The following PRORP variants were observed in gnomAD, a reference collection of about 807,000 sequenced individuals.
The protein encoded by PRORP is mitochondrial ribonuclease P catalytic subunit.
In PRORP, 51 loss-of-function variants were observed where a neutral mutation model predicts 59.4. That is an observed-to-expected ratio of 0.86 (90% CI 0.69 to 1.08). The LOEUF (loss-of-function observed/expected upper bound fraction) is 1.08, where lower values mean the gene tolerates loss of function less well. Ranked by LOEUF, PRORP falls within the 50% of genes least tolerant of loss-of-function variation. PRORP has a pLI of 0.00. For missense variants in PRORP, 646 were observed against 690.3 expected, an observed-to-expected ratio of 0.94 and a Z score of 0.72; for synonymous variants, 231 against 245.6, an observed-to-expected ratio of 0.94 and a Z score of 0.55.
intron 2 of PRORP, among the ~76,000 whole-genome samples, chr14:35,125,170 T>C (rs2047068525): frequency 6.6e-6 from 1 of 152,178 alleles, no homozygotes; most frequent in African/African-American, 2.4e-5. Flanking sequence ...CTATTCTGTC[T>C]ACTATCTATA....
At chr14:35,129,531 G>A (rs981558310) in intron 4 of PRORP, among the ~76,000 whole-genome samples, 3 of 149,994 alleles carry the variant, frequency 2.0e-5, no homozygotes, top group African/African-American at 4.9e-5. Flanking sequence ...CTAGAGTGCC[G>A]TGGTGCGATC....
At chr14:35,242,469 TG>T (rs905328282) in intron 5 of PRORP, among the ~76,000 whole-genome samples, 1 of 152,096 alleles carries the variant, frequency 6.6e-6, no homozygotes, top group East Asian at 1.9e-4. Flanking sequence ...TGTTTATTGT[TG>T]GGGGGGAGTC....
chr14:35,268,641 G>T (rs543250445), intron 6 of PRORP, among the ~76,000 whole-genome samples: 13 of 152,150 alleles, frequency 8.5e-5, no homozygotes, highest in Non-Finnish European at 1.8e-4. Flanking sequence ...GGTCACCCAG[G>T]CTGGAGTACA....
At chr14:35,145,973 C>T (rs996136576) in intron 4 of PRORP, among the ~76,000 whole-genome samples, 14 of 151,682 alleles carry the variant, frequency 9.2e-5, no homozygotes, top group East Asian at 3.9e-4. Context: ...GGATTACAGG[C>T]GCCTGCCACC....
intron 5 of PRORP, among the ~76,000 whole-genome samples, chr14:35,266,066 C>T (rs2138656846): frequency 6.6e-6 from 1 of 151,810 alleles, no homozygotes; most frequent in African/African-American, 2.4e-5. Flanking sequence ...GCCTGTAATC[C>T]CAGCACTTTG....
rs118097772 is a variant in PRORP at position 35,241,412 on chromosome 14, A to G, written c.1276-25315A>G. Among the ~76,000 whole-genome samples the G allele has an allele frequency of 6.2e-3, 939 of 151,992 alleles. 32 individuals carry two copies. The highest frequency in any genetic ancestry group is 0.04 in the Admixed American group (610 of 15,268). ...AAAAGTATACGAGGATGGCAATTTT[A>G]TATCAGGGACCTGAGCATCCAAATT... On this transcript the variant is annotated intron_variant, in intron 5 of 7. Transcript: ENST00000534898.
chr14:35,152,452 TC>T (rs1347853878), intron 4 of PRORP, among the ~76,000 whole-genome samples: 8 of 152,216 alleles, frequency 5.3e-5, no homozygotes, highest in African/African-American at 1.7e-4. Flanking sequence ...TGGGTACACC[TC>T]CCAGACGGGA....
At chr14:35,158,962 G>C (rs1364338889) in intron 4 of PRORP, 2 of 345,960 alleles carry the variant, frequency 5.8e-6, no homozygotes, top group Non-Finnish European at 1.1e-5. Context: ...TGATTCTCTG[G>C]ATACTTGATT....
intron 5 of PRORP, among the ~76,000 whole-genome samples, chr14:35,229,218 C>T (rs970132977): frequency 2.0e-5 from 3 of 151,966 alleles, no homozygotes; most frequent in Non-Finnish European, 4.4e-5. Flanking sequence ...GCGTAGTTTG[C>T]GATTATTTTC....
At chr14:35,219,337 C>T (rs929380654) in intron 5 of PRORP, 2 of 152,236 alleles carry the variant, frequency 1.3e-5, no homozygotes, top group African/African-American at 2.4e-5. Context: ...ACATGCCCAC[C>T]TCAGGGTGGG....
rs1178856754 is a variant in PRORP at position 35,256,326 on chromosome 14, C to CTTT, written c.1276-10380_1276-10378dup. Among the ~76,000 whole-genome samples, 264 of 82,798 alleles carry CTTT rather than the reference C, an allele frequency of 3.2e-3. 11 individuals are homozygous for CTTT. Among genetic ancestry groups the CTTT allele is most frequent in the African/African-American group, 7.9e-3 (146 of 18,366 alleles). 54.3% of individuals were successfully genotyped at this position (82,798 alleles called of 152,430 possible). A position where few individuals can be genotyped will look rare whatever the true frequency, so the allele number is the denominator to read the frequency against. ...AAAAGAAAAAAGAAATTGTGCGTAT[C>CTTT]TTTTTTTTTTTTTTTTTTTTTTTAA... On this transcript the variant is annotated intron_variant, in intron 5 of 7. Transcript: ENST00000534898.
intron 5 of PRORP, among the ~76,000 whole-genome samples, chr14:35,187,033 G>A (rs150006296): frequency 1.3e-5 from 2 of 152,248 alleles, no homozygotes; most frequent in East Asian, 3.9e-4. Context: ...GTATGGATAT[G>A]CCACATTTTA....
intron 5 of PRORP, among the ~76,000 whole-genome samples, chr14:35,254,120 C>G (rs1022387143): frequency 4.6e-5 from 7 of 151,442 alleles, no homozygotes; most frequent in African/African-American, 1.7e-4. Flanking sequence ...ATCATCTATC[C>G]AGCTGTCCAA....
In PRORP at chr14:35,123,164, AC is replaced by A; in HGVS notation, c.-77del. On this transcript the variant is annotated 5_prime_UTR_variant, in exon 2 of 8. Coordinates refer to ENST00000534898, the MANE Select transcript of PRORP (RefSeq NM_014672.4). The stretch of plus-strand genomic sequence containing the variant: ...GTTCCACTTCGACTCTGCACCGCCG[AC>A]CCCCAATCTCTTTAATTTTGCCATA... The A allele has an allele frequency of 7.1e-7, 1 of 1,404,174 alleles. No homozygotes were observed. Among genetic ancestry groups the A allele is most frequent in the Non-Finnish European group, 9.6e-7 (1 of 1,038,338 alleles). The allele number at this position is 1,404,174 out of a possible 1,614,324, so 87.0% of individuals were successfully genotyped here.
At chr14:35,187,759 TTAA>T (rs1030943596) in intron 5 of PRORP, among the ~76,000 whole-genome samples, 3 of 152,288 alleles carry the variant, frequency 2.0e-5, no homozygotes, top group South Asian at 2.1e-4. Context: ...TTTGCATTTG[TTAA>T]TGATGCATGA....
At chr14:35,156,549 A>G (rs2047917282) in intron 4 of PRORP, among the ~76,000 whole-genome samples, 1 of 152,228 alleles carries the variant, frequency 6.6e-6, no homozygotes, top group African/African-American at 2.4e-5. Context: ...TCTCAAAAGC[A>G]GGCTTCTCTC....
chr14:35,196,376 C>T lies in PRORP; in HGVS notation c.1275+15599C>T, dbSNP rs367660429. Among the ~76,000 whole-genome samples the T allele has an allele frequency of 3.5e-4, 53 of 152,246 alleles. No homozygotes were observed. In the South Asian group the frequency reaches 0.011, roughly 31 times the overall value. Reference sequence around the variant, plus strand: ...GGGTATGGTAGCACACACCTGTAGTCCCACCAACTCAGGAGGCTGAGGCGG... The same window carrying T: ...GGGTATGGTAGCACACACCTGTAGTTCCACCAACTCAGGAGGCTGAGGCGG... On this transcript the variant is annotated intron_variant, in intron 5 of 7. Coordinates refer to ENST00000534898, the MANE Select transcript of PRORP (RefSeq NM_014672.4).
intron 5 of PRORP, among the ~76,000 whole-genome samples, chr14:35,241,565 A>G (rs2050370069): frequency 6.6e-6 from 1 of 152,194 alleles, no homozygotes; most frequent in Non-Finnish European, 1.5e-5. Context: ...ATTGGCCTCA[A>G]TACATTCCAA....
chr14:35,147,572 T>C (rs564250446), intron 4 of PRORP, among the ~76,000 whole-genome samples: 6 of 152,130 alleles, frequency 3.9e-5, no homozygotes, highest in Non-Finnish European at 7.4e-5. Context: ...CTTGAACTCC[T>C]GGGCTCAAAC....
Sources: allele counts gnomAD v4.1 joint callset (sites outside exome capture counted in the v4.1 genomes callset), GRCh38; gene constraint gnomAD v4.1.1; transcripts MANE v1.5; gene names NCBI Gene and HGNC (gene_info 2026-07-23, HGNC 2026-07-21).